PHACTR3: variants seen among roughly 807,000 people sequenced by gnomAD.
The protein encoded by PHACTR3 is phosphatase and actin regulator 3.
In PHACTR3, 16 loss-of-function variants were observed where a neutral mutation model predicts 66.8. The ratio of observed to expected loss-of-function variants is 0.24; its 90% CI spans 0.16 to 0.36. The LOEUF (loss-of-function observed/expected upper bound fraction) is 0.36. Ranked by LOEUF, PHACTR3 falls within the 10% of genes least tolerant of loss-of-function variation. The probability of loss-of-function intolerance (pLI) is 1.00; values close to 1 mark genes in which losing one functional copy is unlikely to be tolerated. For synonymous variants in PHACTR3, 323 were observed against 292.1 expected (o/e 1.11, Z -1.08); for missense variants, 647 against 719.9 (o/e 0.90, Z 1.16).
At chr20:59,733,181 A>G (rs769609083) in intron 1 of PHACTR3, among the ~76,000 whole-genome samples, 10 of 150,604 alleles carry the variant, frequency 6.6e-5, no homozygotes, top group Non-Finnish European at 1.3e-4. Context: ...AAATGGTCTC[A>G]CTTTGTCCTT....
At chr20:59,588,676 C>T (rs893542959) in intron 1 of PHACTR3, among the ~76,000 whole-genome samples, 3 of 152,240 alleles carry the variant, frequency 2.0e-5, no homozygotes, top group Non-Finnish European at 4.4e-5. Flanking sequence ...TCAGCCCCTC[C>T]AGCTGCCCTG....
intron 8 of PHACTR3, among the ~76,000 whole-genome samples, chr20:59,833,742 G>A (rs950706645): frequency 2.0e-5 from 3 of 152,140 alleles, no homozygotes; most frequent in Non-Finnish European, 4.4e-5. Flanking sequence ...GGCCAGCATC[G>A]CGGACAGTGA....
At chr20:59,812,185 G>C (rs2041755031) in intron 8 of PHACTR3, among the ~76,000 whole-genome samples, 1 of 152,252 alleles carries the variant, frequency 6.6e-6, no homozygotes, top group South Asian at 2.1e-4. Flanking sequence ...TTTGCCCGAA[G>C]AGAGAGGAAT....
chr20:59,617,233 A>G (rs2034058994), intron 1 of PHACTR3, among the ~76,000 whole-genome samples: 1 of 152,122 alleles, frequency 6.6e-6, no homozygotes, highest in South Asian at 2.1e-4. Context: ...CCTCATACCT[A>G]TTCCCATGTT....
At chr20:59,801,083 C>T (rs1428371346) in intron 7 of PHACTR3, among the ~76,000 whole-genome samples, 1 of 152,124 alleles carries the variant, frequency 6.6e-6, no homozygotes, top group Admixed American at 6.5e-5. Flanking sequence ...TTCAAGGGAC[C>T]CTCTGCAGAT....
intron 1 of PHACTR3, among the ~76,000 whole-genome samples, chr20:59,726,699 G>GATATA (rs1373136629): frequency 1.3e-5 from 2 of 152,126 alleles, no homozygotes; most frequent in Non-Finnish European, 2.9e-5. Flanking sequence ...AATCATGCTA[G>GATATA]ATATAATTTG....
intron 1 of PHACTR3, among the ~76,000 whole-genome samples, chr20:59,649,118 A>G (rs1373696360): frequency 6.6e-6 from 1 of 152,180 alleles, no homozygotes; most frequent in African/African-American, 2.4e-5. Flanking sequence ...TAATTACTGA[A>G]ATTTTTTTCC....
chr20:59,792,167 C>G (rs1237595828), intron 7 of PHACTR3, among the ~76,000 whole-genome samples: 2 of 152,312 alleles, frequency 1.3e-5, no homozygotes, highest in East Asian at 3.9e-4. Flanking sequence ...GTGGGGCTAT[C>G]AGGAACAGCT....
At chr20:59,730,833 C>T (rs1181500440) in intron 1 of PHACTR3, among the ~76,000 whole-genome samples, 2 of 152,170 alleles carry the variant, frequency 1.3e-5, no homozygotes, top group African/African-American at 4.8e-5. Context: ...CTTCACACTA[C>T]AGCAGCAGAG....
At chr20:59,654,413 G>T (rs1043664911) in intron 1 of PHACTR3, among the ~76,000 whole-genome samples, 1 of 152,090 alleles carries the variant, frequency 6.6e-6, no homozygotes. Flanking sequence ...ATCAATAGGT[G>T]TTAACAGCAT....
intron 1 of PHACTR3, among the ~76,000 whole-genome samples, chr20:59,714,034 A>C (rs1304035073): frequency 2.6e-5 from 4 of 151,928 alleles, no homozygotes; most frequent in Non-Finnish European, 5.9e-5. Context: ...TTATTTTTTC[A>C]TGGCTATTTG....
rs550022359 is a variant in PHACTR3 at position 59,585,711 on chromosome 20, G to T, written c.109+8094G>T. On this transcript the variant is annotated intron_variant, in intron 1 of 12. Coordinates refer to the PHACTR3 transcript ENST00000359926. ...AGCATGATGGGGAGGCGATGGTGGGGAGGTGGGGTTGGTGGCAGGGAGGCC... is the reference window on the plus strand; with the variant it reads ...AGCATGATGGGGAGGCGATGGTGGGTAGGTGGGGTTGGTGGCAGGGAGGCC... Among the ~76,000 whole-genome samples, 19 of 152,330 alleles carry T rather than the reference G, an allele frequency of 1.2e-4. 1 individual carries two copies. In the South Asian group the frequency reaches 3.9e-3, roughly 32 times the overall value.
chr20:59,742,869 G>A (rs1215519038), intron 1 of PHACTR3, among the ~76,000 whole-genome samples: 5 of 152,302 alleles, frequency 3.3e-5, no homozygotes, highest in South Asian at 2.1e-4. Context: ...GGCGGAAGGC[G>A]AAGGCTTCTG....
chr20:59,782,707 T>A (rs569595787), intron 7 of PHACTR3, among the ~76,000 whole-genome samples: 1 of 152,288 alleles, frequency 6.6e-6, no homozygotes, highest in East Asian at 1.9e-4. Context: ...GAGAAAAGTA[T>A]GGGGGAAACC....
chr20:59,840,002 T>G (rs975277680), intron 9 of PHACTR3, among the ~76,000 whole-genome samples: 1 of 152,230 alleles, frequency 6.6e-6, no homozygotes, highest in Non-Finnish European at 1.5e-5. Flanking sequence ...CTACAGCTTT[T>G]TTTATGTGGC....
rs565934164 is a variant in PHACTR3, at chr20:59,667,352, G to A, written c.118+62220G>A. ...AGCAGCAGGCCCTGCCACCTGGGCT[G>A]CTTTGCCACAGGGCATTTGCTCCAG... On this transcript the variant is annotated intron_variant, in intron 1 of 12. Coordinates refer to ENST00000371015, the MANE Select transcript of PHACTR3 (RefSeq NM_080672.5). Among the ~76,000 whole-genome samples the A allele has an allele frequency of 5.3e-5, 8 of 152,356 alleles. No individual in the cohort carries two copies. In the East Asian group the frequency reaches 1.2e-3, roughly 22 times the overall value.
chr20:59,694,478 G>A (rs1377048338), intron 1 of PHACTR3, among the ~76,000 whole-genome samples: 1 of 151,718 alleles, frequency 6.6e-6, no homozygotes, highest in African/African-American at 2.4e-5. Context: ...GAATGAGTTA[G>A]GAAGTTAGGC....
At chr20:59,843,462 A>G (rs2059099621) in intron 11 of PHACTR3, 1 of 152,142 alleles carries the variant, frequency 6.6e-6, no homozygotes, top group South Asian at 2.1e-4. Flanking sequence ...AGGTTATACT[A>G]CCAGCATAAT....
chr20:59,803,471 C>T (rs1190116672), intron 7 of PHACTR3, among the ~76,000 whole-genome samples: 1 of 151,786 alleles, frequency 6.6e-6, no homozygotes, highest in African/African-American at 2.4e-5. Context: ...AATACAGTAA[C>T]CAAAATTAAG....
Sources: allele counts gnomAD v4.1 joint callset (sites outside exome capture counted in the v4.1 genomes callset), GRCh38; gene constraint gnomAD v4.1.1; transcripts MANE v1.5; gene names NCBI Gene and HGNC (gene_info 2026-07-23, HGNC 2026-07-21).